Variants in ARHGEF33 observed in about 807,000 individuals in gnomAD.
ARHGEF33 encodes Rho guanine nucleotide exchange factor 33, also known as DH and coiled-coil domain-containing protein ENSP00000381780.
Under a neutral mutation model 101.9 loss-of-function variants are expected in ARHGEF33, and 72 were observed. That is an observed-to-expected ratio of 0.71 (90% CI 0.58 to 0.86). The LOEUF (loss-of-function observed/expected upper bound fraction) is 0.86. Among genes scored for constraint, ARHGEF33 ranks in the 40% least tolerant of loss-of-function variants. The pLI is 0.00. For missense variants in ARHGEF33, 1,169 were observed against 1,111.3 expected (o/e 1.05, Z -0.74); for synonymous variants, 499 against 442.5 (o/e 1.13, Z -1.60).
At chr2:38,949,736 A>T (rs1234781123) in intron 10 of ARHGEF33, among the ~76,000 whole-genome samples, 2 of 152,186 alleles carry the variant, frequency 1.3e-5, no homozygotes, top group African/African-American at 2.4e-5. Context: ...AAGAGGTTTA[A>T]TTGGATCACG....
chr2:38,918,761 G>A (rs1666690381), intron 2 of ARHGEF33, among the ~76,000 whole-genome samples: 1 of 151,948 alleles, frequency 6.6e-6, no homozygotes, highest in South Asian at 2.1e-4. Context: ...TTTTCCTGGG[G>A]CTGGGTGTGG....
chr2:38,944,649 T>A (rs539334339), intron 10 of ARHGEF33, among the ~76,000 whole-genome samples: 19 of 152,234 alleles, frequency 1.2e-4, no homozygotes, highest in African/African-American at 4.6e-4. Context: ...ACATGTCTTT[T>A]AAAAACTTAA....
At position 38,889,944 on chromosome 2, in the gene ARHGEF33, A is replaced by G. The variant is rs1665958910; in HGVS notation, c.-201A>G. 4.2e-6 allele frequency: 2 copies of G among 470,774 alleles called. No homozygotes were observed. Among genetic ancestry groups the G allele is most frequent in the South Asian group, 3.1e-5 (2 of 64,518 alleles). The allele number at this position is 470,774 out of a possible 1,614,324, so 29.2% of individuals were successfully genotyped here. A position where few individuals can be genotyped will look rare whatever the true frequency, so the allele number is the denominator to read the frequency against. ...TTTAAGTTAATTCAGAACCCAGATA[A>G]GCCTTGATCTGAGGATGATATAACC... On this transcript the variant is annotated 5_prime_UTR_variant, in exon 1 of 18. Transcript: ENST00000409978.
Position 38,973,932 on chromosome 2 carries a change from C to T in ARHGEF33, c.*89C>T. On this transcript the variant is annotated 3_prime_UTR_variant, in exon 18 of 18. Transcript: ENST00000409978. ...TAGGAATATATATATATATCTATAT[C>T]TATATATATATATATATCGATGTAT... 3.1e-6 allele frequency: 2 copies of T among 635,876 alleles called. No homozygotes were observed. Among genetic ancestry groups the T allele is most frequent in the Non-Finnish European group, 4.2e-6 (2 of 481,208 alleles). 39.4% of individuals were successfully genotyped at this position (635,876 alleles called of 1,614,324 possible). A position where few individuals can be genotyped will look rare whatever the true frequency, so the allele number is the denominator to read the frequency against.
intron 17 of ARHGEF33, among the ~76,000 whole-genome samples, chr2:38,967,235 C>T (rs1668068543): frequency 6.6e-6 from 1 of 152,182 alleles, no homozygotes; most frequent in African/African-American, 2.4e-5. Flanking sequence ...TTGTAATTAT[C>T]CTCCTGTGGG....
At chr2:38,909,251 C>T (rs530851013) in intron 2 of ARHGEF33, among the ~76,000 whole-genome samples, 14 of 152,250 alleles carry the variant, frequency 9.2e-5, no homozygotes, top group African/African-American at 3.4e-4. Context: ...GGACCATTTT[C>T]AAAATAAGGC....
At chr2:38,970,670 C>T (rs553364932) in intron 17 of ARHGEF33, among the ~76,000 whole-genome samples, 1 of 152,288 alleles carries the variant, frequency 6.6e-6, no homozygotes, top group East Asian at 1.9e-4. Context: ...AGTTCCTGCC[C>T]ATTAGGAGCT....
chr2:38,914,692 C>G (rs923060094), intron 2 of ARHGEF33, among the ~76,000 whole-genome samples: 55 of 147,868 alleles, frequency 3.7e-4, no homozygotes, highest in Admixed American at 2.9e-3. Flanking sequence ...AAAGTAATTT[C>G]TTAGATCTAT....
intron 15 of ARHGEF33, among the ~76,000 whole-genome samples, chr2:38,959,125 C>A (rs1328593472): frequency 6.6e-6 from 1 of 152,220 alleles, no homozygotes; most frequent in African/African-American, 2.4e-5. Context: ...CTGGACATCC[C>A]ATCTGATGGT....
chr2:38,917,017 C>T (rs1237100623), intron 2 of ARHGEF33, among the ~76,000 whole-genome samples: 1 of 151,708 alleles, frequency 6.6e-6, no homozygotes, highest in Non-Finnish European at 1.5e-5. Context: ...CCAGGCTGGT[C>T]TGGAACTCCT....
chr2:38,894,833 G>C (rs1572735845), intron 1 of ARHGEF33, among the ~76,000 whole-genome samples: 3 of 152,316 alleles, frequency 2.0e-5, no homozygotes, highest in Admixed American at 1.3e-4. Flanking sequence ...CAAAAAAAGA[G>C]GAGAATGAAT....
At chr2:38,894,506 A>G (rs1434998041) in intron 1 of ARHGEF33, among the ~76,000 whole-genome samples, 1 of 151,820 alleles carries the variant, frequency 6.6e-6, no homozygotes, top group Non-Finnish European at 1.5e-5. Flanking sequence ...AAACAAACAA[A>G]CAAGCCCACA....
At position 38,892,311 on chromosome 2, in the gene ARHGEF33, A is replaced by G. The variant is rs560798372; in HGVS notation, c.-159+2325A>G. 2.8e-4 allele frequency among the ~76,000 whole-genome samples: 43 copies of G among 152,244 alleles called. No individual in the cohort carries two copies. In the South Asian group the frequency reaches 8.3e-3, roughly 29 times the overall value. On this transcript the variant is annotated intron_variant, in intron 1 of 17. Transcript: ENST00000409978. ...GCAATGAAGAAGCAAATACTGGAAAATTCTTATGCTCTCTAAAAAAATCTC... is the reference window on the plus strand; with the variant it reads ...GCAATGAAGAAGCAAATACTGGAAAGTTCTTATGCTCTCTAAAAAAATCTC...
rs77263298 is a variant in ARHGEF33 at position 38,914,226 on chromosome 2, A to G, written c.-85-5137A>G. Reference sequence around the variant, plus strand: ...CTATGGAAACTCCACATAAATAAAAACACCAACATGTAAGGCTCTATGTAC... The same window carrying G: ...CTATGGAAACTCCACATAAATAAAAGCACCAACATGTAAGGCTCTATGTAC... On this transcript the variant is annotated intron_variant, in intron 2 of 17. Transcript: ENST00000409978. 3.7e-3 allele frequency among the ~76,000 whole-genome samples: 571 copies of G among 152,296 alleles called. 3 individuals are homozygous for G. Among genetic ancestry groups the G allele is most frequent in the African/African-American group, 0.013 (520 of 41,566 alleles).
chr2:38,968,681 A>G (rs1668103342), intron 17 of ARHGEF33, among the ~76,000 whole-genome samples: 1 of 152,198 alleles, frequency 6.6e-6, no homozygotes, highest in African/African-American at 2.4e-5. Context: ...TCATGTTGCC[A>G]CCACCAATAC....
chr2:38,960,547 G>T lies in ARHGEF33; in HGVS notation c.2242G>T (p.Gly748Cys). The T allele has an allele frequency of 7.9e-7, 1 of 1,261,068 alleles. No homozygotes were observed. The highest frequency in any genetic ancestry group is 3.8e-5 in the East Asian group (1 of 26,488). 78.1% of individuals were successfully genotyped at this position (1,261,068 alleles called of 1,614,324 possible). A position where few individuals can be genotyped will look rare whatever the true frequency, so the allele number is the denominator to read the frequency against. Residue 748 changes from glycine to cysteine, a missense_variant, in exon 16 of 18, where the codon GGC (glycine) becomes TGC (cysteine). Transcript: ENST00000409978. Reference sequence around the variant, plus strand: ...GGCCGAGCGCGCCGCGCAGGCGCACGGCCCGGCCGCCGCCGCCGTCGCCGC... The same window carrying T: ...GGCCGAGCGCGCCGCGCAGGCGCACTGCCCGGCCGCCGCCGCCGTCGCCGC... ...IKAERAAQAHGPAAAAVAARG... is the reference protein window; with the variant it reads ...IKAERAAQAHCPAAAAVAARG...
Position 38,889,982 on chromosome 2 carries a change from A to T in ARHGEF33, c.-163A>T. On this transcript the variant is annotated 5_prime_UTR_variant, in exon 1 of 18. It removes an upstream start codon present in the reference 5' UTR. Coordinates refer to ENST00000409978, the MANE Select transcript of ARHGEF33 (RefSeq NM_001145451.5). ...GGATGATATAACCACCGCAGGCAAC[A>T]TGGGGTAAGTATGCGCTTTTATATG... 1 of 469,544 alleles carries T rather than the reference A, an allele frequency of 2.1e-6. No individual in the cohort carries two copies. Among genetic ancestry groups the T allele is most frequent in the Admixed American group, 2.4e-5 (1 of 42,338 alleles). The allele number at this position is 469,544 out of a possible 1,614,324, so 29.1% of individuals were successfully genotyped here.
chr2:38,956,871 A>G (rs1028029103), intron 13 of ARHGEF33, 28 bp from the exon 14 acceptor site: 11 of 1,550,266 alleles, frequency 7.1e-6, no homozygotes, highest in African/African-American at 5.5e-5. Context: ...TGATTATGCA[A>G]TGCTACTTCC....
chr2:38,937,110 T>G (rs1667159118), intron 8 of ARHGEF33: 1 of 411,054 alleles, frequency 2.4e-6, no homozygotes, highest in Admixed American at 3.8e-5. Flanking sequence ...TTCTCCTGCC[T>G]CAGCCTCCTG....
Sources: gnomAD v4.1 joint callset for allele counts (sites outside exome capture counted in the v4.1 genomes callset) on GRCh38, gnomAD v4.1.1 for gene constraint, MANE v1.5 for transcripts, NCBI Gene and HGNC (gene_info 2026-07-23, HGNC 2026-07-21) for gene names.